Variants in DPYD observed in about 807,000 individuals in gnomAD.
The protein encoded by DPYD is dihydropyrimidine dehydrogenase [NADP(+)].
In DPYD, 109 loss-of-function variants were observed where a neutral mutation model predicts 116.2. That is an observed-to-expected ratio of 0.94 (90% CI 0.80 to 1.10). DPYD has a LOEUF of 1.10. Ranked by LOEUF, DPYD falls within the 50% of genes least tolerant of loss-of-function variation. The pLI is 0.00. For synonymous variants in DPYD, 440 were observed against 432.0 expected (o/e 1.02, Z -0.23); for missense variants, 1,302 against 1,254.5 (o/e 1.04, Z -0.57).
At chr1:97,291,685 T>G (rs1570443856) in intron 18 of DPYD, among the ~76,000 whole-genome samples, 2 of 145,132 alleles carry the variant, frequency 1.4e-5, no homozygotes, top group South Asian at 2.2e-4. Context: ...TGGGGACTGT[T>G]GTGGGGTGGG....
chr1:97,430,301 A>G (rs1675103633), intron 14 of DPYD, among the ~76,000 whole-genome samples: 1 of 152,162 alleles, frequency 6.6e-6, no homozygotes, highest in South Asian at 2.1e-4. Flanking sequence ...CTTGAAATAT[A>G]CTTAGTAATC....
At chr1:97,871,753 A>C (rs925131063) in intron 2 of DPYD, among the ~76,000 whole-genome samples, 5 of 151,752 alleles carry the variant, frequency 3.3e-5, no homozygotes, top group African/African-American at 1.2e-4. Flanking sequence ...GTCTTCCATT[A>C]CCATCCTCAG....
At chr1:97,450,330 A>G (rs972015321) in intron 13 of DPYD, 107 bp from the exon 14 acceptor site, 1 of 1,222,906 alleles carries the variant, frequency 8.2e-7, no homozygotes, top group Non-Finnish European at 1.1e-6. Context: ...CCCTTCTCAC[A>G]TTTTTGCAGA....
chr1:97,625,919 T>C (rs140155704), intron 8 of DPYD, among the ~76,000 whole-genome samples: 7 of 152,206 alleles, frequency 4.6e-5, no homozygotes, highest in Non-Finnish European at 8.8e-5. Context: ...ATCACTGACA[T>C]AGACTGGACA....
At chr1:97,533,243 TGGTTTCTTTC>T (rs1380472272) in intron 12 of DPYD, among the ~76,000 whole-genome samples, 11 of 152,186 alleles carry the variant, frequency 7.2e-5, no homozygotes, top group Admixed American at 1.3e-4. Context: ...AGTAATATGT[TGGTTTCTTTC>T]ACATTCTACT....
At chr1:97,507,896 T>C (rs918974423) in intron 13 of DPYD, among the ~76,000 whole-genome samples, 5 of 151,962 alleles carry the variant, frequency 3.3e-5, no homozygotes, top group African/African-American at 1.2e-4. Flanking sequence ...CAGAACTATT[T>C]AGAAAGGAAA....
At chr1:97,749,905 T>C (rs1184791497) in intron 3 of DPYD, among the ~76,000 whole-genome samples, 2 of 152,178 alleles carry the variant, frequency 1.3e-5, no homozygotes, top group Non-Finnish European at 2.9e-5. Flanking sequence ...CACTGTAATC[T>C]TATTTCACCT....
At chr1:97,386,560 TC>T (rs1386605535) in intron 14 of DPYD, among the ~76,000 whole-genome samples, 1 of 152,190 alleles carries the variant, frequency 6.6e-6, no homozygotes, top group Non-Finnish European at 1.5e-5. Flanking sequence ...CATTCTTGTT[TC>T]TATGATTTAA....
chr1:97,920,801 G>T, intron 1 of DPYD, 83 bp downstream of exon 1: 1 of 1,526,844 alleles, frequency 6.5e-7, no homozygotes, highest in African/African-American at 1.4e-5. Flanking sequence ...GGGTGCGGGG[G>T]CCGCGGGGGC....
chr1:97,135,498 C>T (rs1345191010), intron 20 of DPYD, among the ~76,000 whole-genome samples: 1 of 152,116 alleles, frequency 6.6e-6, no homozygotes, highest in Admixed American at 6.6e-5. Context: ...CATACAAGCA[C>T]TTCTTGCTTT....
chr1:97,181,831 C>A (rs1657667682), intron 20 of DPYD, among the ~76,000 whole-genome samples: 1 of 152,148 alleles, frequency 6.6e-6, no homozygotes, highest in Admixed American at 6.6e-5. Flanking sequence ...ATAACAACCA[C>A]CATGTATTGA....
chr1:97,259,295 A>C (rs1490314952), intron 18 of DPYD, among the ~76,000 whole-genome samples: 1 of 152,046 alleles, frequency 6.6e-6, no homozygotes, highest in Non-Finnish European at 1.5e-5. Context: ...ACTGTGTATG[A>C]ACTTTAGGAT....
chr1:97,814,038 T>C (rs1248786498), intron 3 of DPYD, among the ~76,000 whole-genome samples: 2 of 152,220 alleles, frequency 1.3e-5, no homozygotes, highest in South Asian at 2.1e-4. Context: ...TTTTGTGCCA[T>C]ATGCCCAAAT....
At chr1:97,843,344 G>A (rs1409628076) in intron 2 of DPYD, among the ~76,000 whole-genome samples, 1 of 151,992 alleles carries the variant, frequency 6.6e-6, no homozygotes, top group Non-Finnish European at 1.5e-5. Flanking sequence ...CAACTCACTA[G>A]AACATTCAGA....
At chr1:97,663,256 G>C (rs114747781) in intron 8 of DPYD, among the ~76,000 whole-genome samples, 1,744 of 152,184 alleles carry the variant, frequency 0.011, 29 homozygotes, top group African/African-American at 0.04. Context: ...AATCTCAAAC[G>C]TAAGAAGTCA....
At chr1:97,844,553 G>T (rs1266381406) in intron 2 of DPYD, among the ~76,000 whole-genome samples, 3 of 152,226 alleles carry the variant, frequency 2.0e-5, no homozygotes, top group Non-Finnish European at 4.4e-5. Context: ...CAGTGAACAT[G>T]TGGAGGTGCT....
chr1:97,749,508 G>C (rs1464351366), intron 3 of DPYD, among the ~76,000 whole-genome samples: 2 of 152,070 alleles, frequency 1.3e-5, no homozygotes, highest in Non-Finnish European at 2.9e-5. Context: ...AGTTTTAATA[G>C]AGAATTTTAA....
chr1:97,716,890 A>G (rs980277419), intron 5 of DPYD, among the ~76,000 whole-genome samples: 1 of 151,982 alleles, frequency 6.6e-6, no homozygotes. Flanking sequence ...ATAAAACAAA[A>G]TACATTTTAT....
intron 13 of DPYD, among the ~76,000 whole-genome samples, chr1:97,472,648 C>G (rs778568767): frequency 2.0e-5 from 3 of 152,118 alleles, no homozygotes; most frequent in Non-Finnish European, 4.4e-5. Context: ...CCAACTGATA[C>G]TTTGTATTTG....
Sources: gnomAD v4.1 joint callset for allele counts (sites outside exome capture counted in the v4.1 genomes callset) on GRCh38, gnomAD v4.1.1 for gene constraint, MANE v1.5 for transcripts, NCBI Gene and HGNC (gene_info 2026-07-23, HGNC 2026-07-21) for gene names.